NAGPA: variants seen among roughly 807,000 people sequenced by gnomAD.
NAGPA encodes the protein N-acetylglucosamine-1-phosphodiester alpha-N-acetylglucosaminidase, also known as alpha-N-acetylglucosaminyl phosphodiesterase.
NAGPA carries 56 observed loss-of-function variants against 48.5 expected under a neutral mutation model. The ratio of observed to expected loss-of-function variants is 1.15; its 90% confidence interval spans 0.93 to 1.44. NAGPA has a LOEUF of 1.44. Among genes scored for constraint, NAGPA ranks in the 40% most tolerant of loss-of-function variants. The pLI is 0.00. For missense variants in NAGPA, 888 were observed against 735.0 expected (o/e 1.21, Z -2.41); for synonymous variants, 399 against 315.5 (o/e 1.26, Z -2.81).
In NAGPA at chr16:5,033,716, G is replaced by A. The variant is rs1171581949; in HGVS notation, c.99C>T (p.Asp33=). The A allele has an allele frequency of 6.2e-7, 1 of 1,603,638 alleles. No individual in the cohort carries two copies. Residue 33 remains aspartate (D), a synonymous_variant, in exon 2 of 10, where the codon GAC becomes GAT. Transcript: ENST00000312251. This position sits in a 1 kb window ranked among gnomAD's most constrained non-coding sequence, Gnocchi z 4.2. ...SGGLDSGASR[D]DDLLLPYPRA... is the part of the protein sequence containing the mutation. ...GTGGATAGGGCAGTAGCAAGTCGTCGTCGCGGGAGGCCCTGCGGGGACGGG... is the reference window on the plus strand; with the variant it reads ...GTGGATAGGGCAGTAGCAAGTCGTCATCGCGGGAGGCCCTGCGGGGACGGG...
Position 5,025,223 on chromosome 16 carries a change from T to C in NAGPA, c.*255A>G. ...CAGCCCTCCCGGGGGCACGGGCTTC[T>C]CGGCAGCAGACACAGGCAGGCCAGA... On this transcript the variant is annotated 3_prime_UTR_variant, in exon 10 of 10. Coordinates refer to ENST00000312251, the MANE Select transcript of NAGPA (RefSeq NM_016256.4). The C allele has an allele frequency of 3.6e-6, 2 of 559,626 alleles. No homozygotes were observed. Among genetic ancestry groups the C allele is most frequent in the Non-Finnish European group, 6.4e-6 (2 of 311,762 alleles). 34.7% of individuals were successfully genotyped at this position (559,626 alleles called of 1,614,324 possible).
In NAGPA at chr16:5,033,378, C is replaced by T. The variant is rs1956139521; in HGVS notation, c.437G>A (p.Gly146Asp). ...QNGGFFRMNS[G>D]ECLGNVVSDE... ...GCTCACCACGTTCCCCAGGCACTCG[C>T]CCGAGTTCATGCGGAAGAAGCCGCC... is the stretch of plus-strand genomic sequence containing the variant. The change falls in exon 2 of 10, where the codon GGC becomes GAC. Residue 146 changes from glycine (G) to aspartate (D), a missense_variant. Gly to Asp is a moderately conservative substitution (Grantham distance 94, BLOSUM62 -1). Transcript: ENST00000312251. The surrounding 1 kb of genome is among the most constrained non-coding windows in gnomAD (Gnocchi z 4.2). The T allele has an allele frequency of 3.1e-6, 5 of 1,597,566 alleles. No homozygotes were observed. The highest frequency in any genetic ancestry group is 4.2e-6 in the Non-Finnish European group (5 of 1,179,506).
rs904197370 is a variant in NAGPA, at chr16:5,025,337, G to C, written c.*141C>G. 4 of 981,466 alleles carry C rather than the reference G, an allele frequency of 4.1e-6. No homozygotes were observed. The Admixed American group carries it at 6.1e-5, about 15-fold the overall frequency. The allele number at this position is 981,466 out of a possible 1,614,324, so 60.8% of individuals were successfully genotyped here. A position where few individuals can be genotyped will look rare whatever the true frequency, so the allele number is the denominator to read the frequency against. On this transcript the variant is annotated 3_prime_UTR_variant, in exon 10 of 10. Transcript: ENST00000312251. ...GGCCAGGTGAGGGGCTGAGGCACAAGTGCTATCAGGAACTTGGCTGCCCCA... is the reference window on the plus strand; with the variant it reads ...GGCCAGGTGAGGGGCTGAGGCACAACTGCTATCAGGAACTTGGCTGCCCCA...
rs1956099456 is a variant in NAGPA at position 5,031,727 on chromosome 16, A to C, written c.682+18T>G. ...CTGGTTCTCGAGAGGGTTGTTGCCAACAGCCTCCCCATCCAACCTGTCTCC... is the reference window on the plus strand; with the variant it reads ...CTGGTTCTCGAGAGGGTTGTTGCCACCAGCCTCCCCATCCAACCTGTCTCC... On this transcript the variant is annotated intron_variant, in intron 3 of 9. Coordinates refer to ENST00000312251, the MANE Select transcript of NAGPA (RefSeq NM_016256.4). 6.2e-7 allele frequency: 1 copy of C among 1,613,870 alleles called. No homozygotes were observed. The highest frequency in any genetic ancestry group is 1.3e-5 in the African/African-American group (1 of 74,860).
At chr16:5,028,348 C>G (rs1360037790) in intron 5 of NAGPA, 163 bp from the exon 6 acceptor site, 2 of 1,357,254 alleles carry the variant, frequency 1.5e-6, no homozygotes, top group Non-Finnish European at 1.0e-6. Flanking sequence ...GATCCTTCCA[C>G]CCGAGCCTCC....
intron 7 of NAGPA, 106 bp from the exon 8 acceptor site, chr16:5,027,485 C>G: frequency 8.2e-7 from 1 of 1,217,618 alleles, no homozygotes. Context: ...CCCATGTGTA[C>G]AGAGCCGGGC....
chr16:5,026,015 G>A (rs1955994273), intron 9 of NAGPA, among the ~76,000 whole-genome samples: 1 of 149,368 alleles, frequency 6.7e-6, no homozygotes, highest in Non-Finnish European at 1.5e-5. Context: ...TGCAATCTCC[G>A]CCTCCTGGCT....
At chr16:5,028,290 T>C in intron 5 of NAGPA, 105 bp from the exon 6 acceptor site, 3 of 1,524,498 alleles carry the variant, frequency 2.0e-6, no homozygotes, top group African/African-American at 1.4e-5. Flanking sequence ...CCTGTCTACC[T>C]ACCTACCTAC....
Position 5,025,371 on chromosome 16 carries a change from G to A in NAGPA, c.*107C>T. On this transcript the variant is annotated 3_prime_UTR_variant, in exon 10 of 10. Transcript: ENST00000312251. ...GGAACTTGGCTGCCCCACAGGGGCT[G>A]AGGACACCCAGATGGTCCACGCCAG... The A allele has an allele frequency of 7.3e-7, 1 of 1,375,760 alleles. No homozygotes were observed. The highest frequency in any genetic ancestry group is 1.0e-6 in the Non-Finnish European group (1 of 992,996). The allele number at this position is 1,375,760 out of a possible 1,614,324, so 85.2% of individuals were successfully genotyped here.
chr16:5,030,489 G>T lies in NAGPA; in HGVS notation c.687C>A (p.Ser229=). 6.4e-7 allele frequency: 1 copy of T among 1,552,682 alleles called. No homozygotes were observed. Among genetic ancestry groups the T allele is most frequent in the Non-Finnish European group, 8.7e-7 (1 of 1,147,412 alleles). ...ATATCACATTCACAAATTTGCTAAA[G>T]GAACCTGAAGGAAAAGCAGCCTGGC... is the stretch of plus-strand genomic sequence containing the variant. ...TECDETQETG[S]FSKFVNVISA... Residue 229 remains serine (S), a synonymous_variant, in exon 4 of 10, where the codon TCC becomes TCA. Transcript: ENST00000312251.
rs1414782444 is a variant in NAGPA, at chr16:5,033,074, G to A, written c.542+199C>T. 2 of 658,442 alleles carry A rather than the reference G, an allele frequency of 3.0e-6. No homozygotes were observed. The highest frequency in any genetic ancestry group is 5.2e-6 in the Non-Finnish European group (2 of 384,702). The allele number at this position is 658,442 out of a possible 1,614,324, so 40.8% of individuals were successfully genotyped here. On this transcript the variant is annotated intron_variant, in intron 2 of 9. Coordinates refer to ENST00000312251, the MANE Select transcript of NAGPA (RefSeq NM_016256.4). This position sits in a 1 kb window ranked among gnomAD's most constrained non-coding sequence, Gnocchi z 4.2. ...GTTCACGGCTATCTCACCGGGGCGCGGCACATTGCCTGATACAAGCAAGTG... is the reference window on the plus strand; with the variant it reads ...GTTCACGGCTATCTCACCGGGGCGCAGCACATTGCCTGATACAAGCAAGTG...
Position 5,029,239 on chromosome 16 carries a change from C to T in NAGPA, c.792-231G>A, listed in dbSNP as rs183838769. On this transcript the variant is annotated intron_variant, in intron 4 of 9. Transcript: ENST00000312251. ...AATCCTTAAGGGAGGGGAAACGGCC[C>T]GGAGGATCTGGGTGCAGCCACTGGA... The T allele has an allele frequency of 3.6e-3, 2,242 of 628,020 alleles. 79 individuals carry two copies. The Admixed American group carries it at 0.053, about 15-fold the overall frequency. 38.9% of individuals were successfully genotyped at this position (628,020 alleles called of 1,614,324 possible). A position where few individuals can be genotyped will look rare whatever the true frequency, so the allele number is the denominator to read the frequency against.
In NAGPA at chr16:5,033,310, G is replaced by A. The variant is rs748530288; in HGVS notation, c.505C>T (p.Gln169Ter). ...VSSSGGLQNA[Q>*]FGIRRDGTLV... ...GTCCCGTCGCGGCGGATCCCGAACT[G>A]CGCGTTCTGCAGCCCCCCGGAGCTG... is the stretch of plus-strand genomic sequence containing the variant. The change falls in exon 2 of 10, where the codon CAG (glutamine) becomes TAG (stop). Residue 169 changes from glutamine (Q) to a stop codon, truncating the protein, a stop_gained. Coordinates refer to ENST00000312251, the MANE Select transcript of NAGPA (RefSeq NM_016256.4). LOFTEE classifies it high-confidence loss of function. The surrounding 1 kb of genome is among the most constrained non-coding windows in gnomAD (Gnocchi z 4.2). The A allele has an allele frequency of 6.3e-7, 1 of 1,597,066 alleles. No homozygotes were observed. Among genetic ancestry groups the A allele is most frequent in the Non-Finnish European group, 8.5e-7 (1 of 1,179,326 alleles).
Position 5,027,383 on chromosome 16 carries a change from T to A in NAGPA, c.1175-4A>T. The A allele has an allele frequency of 1.9e-6, 3 of 1,600,318 alleles. No homozygotes were observed. Among genetic ancestry groups the A allele is most frequent in the Non-Finnish European group, 2.6e-6 (3 of 1,173,802 alleles). On this transcript the variant is annotated splice_region_variant and splice_polypyrimidine_tract_variant and intron_variant, in intron 7 of 9. Transcript: ENST00000312251. ...CCATGCCAGCCAAGGGGACACTCTA[T>A]GGAAAGGAGATGGGAGGAGGGAGGA...
intron 4 of NAGPA, chr16:5,029,927 G>GAAAC (rs1266887087): frequency 6.8e-5 from 17 of 248,234 alleles, no homozygotes; most frequent in Non-Finnish European, 1.2e-4. Context: ...CTGTCTCAAA[G>GAAAC]AAACAAACAA....
In NAGPA at chr16:5,031,862, G is replaced by A. The variant is rs1375552648; in HGVS notation, c.565C>T (p.Leu189=). The A allele has an allele frequency of 9.9e-6, 16 of 1,614,130 alleles. No individual in the cohort carries two copies. Among genetic ancestry groups the A allele is most frequent in the Non-Finnish European group, 1.4e-5 (16 of 1,180,018 alleles). The change falls in exon 3 of 10, where the codon CTG becomes TTG. Residue 189 remains leucine (L), a synonymous_variant. Transcript: ENST00000312251. Reference sequence around the variant, plus strand: ...TGCACAAATGGGTTCTCAGTGTCCAGCACCTCCTCCTCAGACAGGTACCTG... The same window carrying A: ...TGCACAAATGGGTTCTCAGTGTCCAACACCTCCTCCTCAGACAGGTACCTG... ...VTGYLSEEEV[L]DTENPFVQLL...
chr16:5,030,897 C>G (rs1956084807), intron 3 of NAGPA: 1 of 293,332 alleles, frequency 3.4e-6, no homozygotes, highest in Non-Finnish European at 6.7e-6. Context: ...TTTGTCAGAT[C>G]ACCTCCTTAG....
chr16:5,028,132 T>C lies in NAGPA; in HGVS notation c.974A>G (p.His325Arg). The C allele has an allele frequency of 2.5e-6, 4 of 1,599,770 alleles. No individual in the cohort carries two copies. The highest frequency in any genetic ancestry group is 2.6e-6 in the Non-Finnish European group (3 of 1,173,276). The change falls in exon 6 of 10, where the codon CAC becomes CGC. Residue 325 changes from histidine to arginine, a missense_variant. Coordinates refer to ENST00000312251, the MANE Select transcript of NAGPA (RefSeq NM_016256.4). ...GTCAGGCGGCTGGCAGCGGGGTTCG[T>C]GCACACACACCACGGTGGACACTTG... The part of the protein sequence containing the change: ...PRQVSTVVCV[H>R]EPRCQPPDCH...
Position 5,025,551 on chromosome 16 carries a change from T to A in NAGPA, c.1475A>T (p.Gln492Leu). ...GGCCAGAGGCTCCCCGTTCATCTCCTGCAGCGGGTGGTATGCATAGTCCCC... is the reference window on the plus strand; with the variant it reads ...GGCCAGAGGCTCCCCGTTCATCTCCAGCAGCGGGTGGTATGCATAGTCCCC... ...LHGDYAYHPL[Q>L]EMNGEPLAAE... Residue 492 changes from glutamine (Q) to leucine (L), a missense_variant, in exon 10 of 10, where the codon CAG (glutamine) becomes CTG (leucine). Transcript: ENST00000312251. 1 of 1,613,556 alleles carries A rather than the reference T, an allele frequency of 6.2e-7. No homozygotes were observed. The highest frequency in any genetic ancestry group is 8.5e-7 in the Non-Finnish European group (1 of 1,179,996).
Sources: gnomAD v4.1 joint callset for allele counts (sites outside exome capture counted in the v4.1 genomes callset) on GRCh38, gnomAD v4.1.1 for gene constraint, Gnocchi (gnomAD v3.1) non-coding constraint, MANE v1.5 for transcripts, NCBI Gene and HGNC (gene_info 2026-07-23, HGNC 2026-07-21) for gene names.